SLC25A12: variants seen among roughly 807,000 people sequenced by gnomAD.
The protein encoded by SLC25A12 is solute carrier family 25 member 12, also known as electrogenic aspartate/glutamate antiporter SLC25A12, mitochondrial.
Under a neutral mutation model 83.3 loss-of-function variants are expected in SLC25A12, and 32 were observed. The ratio of observed to expected loss-of-function variants is 0.38; its 90% confidence interval spans 0.29 to 0.52. The LOEUF (loss-of-function observed/expected upper bound fraction) is 0.52. Ranked by LOEUF, SLC25A12 falls within the 20% of genes least tolerant of loss-of-function variation. The pLI is 0.84. For synonymous variants in SLC25A12, 267 were observed against 291.1 expected (o/e 0.92, Z 0.84); for missense variants, 611 against 835.6 (o/e 0.73, Z 3.31).
chr2:171,784,877 C>G lies in SLC25A12; in HGVS notation c.*397G>C. On this transcript the variant is annotated 3_prime_UTR_variant, in exon 18 of 18. Transcript: ENST00000422440. The stretch of plus-strand genomic sequence containing the variant: ...TGTGTGATTCTTAATAAAACACTTT[C>G]AAAACATTCTGTACATTTCAAGCCA... 5.2e-6 allele frequency: 1 copy of G among 191,056 alleles called. No individual in the cohort carries two copies. Among genetic ancestry groups the G allele is most frequent in the East Asian group, 1.2e-4 (1 of 8,420 alleles). The allele number at this position is 191,056 out of a possible 1,614,324, so 11.8% of individuals were successfully genotyped here.
Position 171,826,132 on chromosome 2 carries a change from A to G in SLC25A12, c.930+666T>C, listed in dbSNP as rs564009261. On this transcript the variant is annotated intron_variant, in intron 9 of 17. Coordinates refer to ENST00000422440, the MANE Select transcript of SLC25A12 (RefSeq NM_003705.5). ...GAAGTTTTTTAATTTTAGAAACCCT[A>G]TAAATATCAGTTTAATGATACAAAG... 3.9e-4 allele frequency among the ~76,000 whole-genome samples: 59 copies of G among 152,336 alleles called. No homozygotes were observed. In the Middle Eastern group the frequency reaches 0.014, roughly 35 times the overall value.
At position 171,810,342 on chromosome 2, in the gene SLC25A12, CAA is replaced by C; in HGVS notation, c.1172-68_1172-67del. On this transcript the variant is annotated intron_variant, in intron 11 of 17. Transcript: ENST00000422440. ...AGACATGAATACACAAGCCCAGCAA[CAA>C]AGAGTTTCCCCCATATTATTTACCC... The C allele has an allele frequency of 3.2e-6, 4 of 1,252,858 alleles. No homozygotes were observed. In the East Asian group the frequency reaches 9.3e-5, roughly 29 times the overall value. The allele number at this position is 1,252,858 out of a possible 1,614,324, so 77.6% of individuals were successfully genotyped here.
intron 4 of SLC25A12, 51 bp downstream of exon 4, chr2:171,855,783 G>T: frequency 9.7e-7 from 1 of 1,030,380 alleles, no homozygotes; most frequent in Non-Finnish European, 1.5e-6. Flanking sequence ...AGCAATTGAA[G>T]ACTGGACCAG....
chr2:171,846,328 A>G (rs923503369), intron 4 of SLC25A12, among the ~76,000 whole-genome samples: 1 of 152,122 alleles, frequency 6.6e-6, no homozygotes, highest in African/African-American at 2.4e-5. Flanking sequence ...GGTTATTTCA[A>G]GAGTTAAAAT....
intron 2 of SLC25A12, among the ~76,000 whole-genome samples, chr2:171,886,261 C>G (rs1391683340): frequency 7.6e-6 from 1 of 132,298 alleles, no homozygotes; most frequent in African/African-American, 2.9e-5. Context: ...GACAGAGTCT[C>G]ACTCTGTCAC....
intron 6 of SLC25A12, among the ~76,000 whole-genome samples, chr2:171,836,831 C>T (rs1395545896): frequency 6.6e-6 from 1 of 152,008 alleles, no homozygotes; most frequent in African/African-American, 2.4e-5. Flanking sequence ...TGGAAATAAA[C>T]AATTTGGAAA....
intron 11 of SLC25A12, among the ~76,000 whole-genome samples, 192 bp from the exon 12 acceptor site, chr2:171,810,468 C>T (rs1558914823): frequency 6.6e-6 from 1 of 152,130 alleles, no homozygotes; most frequent in Non-Finnish European, 1.5e-5. Flanking sequence ...TATAATGTCA[C>T]GTTTTCTTGA....
chr2:171,840,015 G>A (rs1684638731), intron 5 of SLC25A12, among the ~76,000 whole-genome samples: 1 of 152,120 alleles, frequency 6.6e-6, no homozygotes, highest in Non-Finnish European at 1.5e-5. Context: ...AGTTGAGAGG[G>A]AGAATACTAC....
intron 3 of SLC25A12, among the ~76,000 whole-genome samples, chr2:171,865,886 G>C (rs928079099): frequency 2.0e-5 from 3 of 150,304 alleles, no homozygotes; most frequent in African/African-American, 2.5e-5. Flanking sequence ...GGTGTTTCTC[G>C]CAGAGGGGGA....
rs563870217 is a variant in SLC25A12 at position 171,785,090 on chromosome 2, G to A, written c.*184C>T. The A allele has an allele frequency of 4.4e-5, 27 of 614,918 alleles. No individual in the cohort carries two copies. Among genetic ancestry groups the A allele is most frequent in the South Asian group, 1.1e-4 (6 of 55,412 alleles). The allele number at this position is 614,918 out of a possible 1,614,324, so 38.1% of individuals were successfully genotyped here. A position where few individuals can be genotyped will look rare whatever the true frequency, so the allele number is the denominator to read the frequency against. ...ACATAAGACTAAAGCTTGAAACAGCGTTGTGGTTTTTTCCCTGGGCAAATG... is the reference window on the plus strand; with the variant it reads ...ACATAAGACTAAAGCTTGAAACAGCATTGTGGTTTTTTCCCTGGGCAAATG... On this transcript the variant is annotated 3_prime_UTR_variant, in exon 18 of 18. Transcript: ENST00000422440.
At chr2:171,888,949 C>G (rs560921513) in intron 2 of SLC25A12, among the ~76,000 whole-genome samples, 1 of 152,254 alleles carries the variant, frequency 6.6e-6, no homozygotes, top group South Asian at 2.1e-4. Flanking sequence ...TAATTCTAAA[C>G]TCAAGTGACC....
Position 171,784,766 on chromosome 2 carries a change from C to A in SLC25A12, c.*508G>T, listed in dbSNP as rs1690455787. The stretch of plus-strand genomic sequence containing the variant: ...TTTTTATTCCAGAATGGAAAACAAA[C>A]TAGGAATTAAATACATCCAATATTG... On this transcript the variant is annotated 3_prime_UTR_variant, in exon 18 of 18. Transcript: ENST00000422440. The A allele has an allele frequency of 5.9e-6, 1 of 168,280 alleles. No individual in the cohort carries two copies. Among genetic ancestry groups the A allele is most frequent in the Admixed American group, 5.6e-5 (1 of 17,872 alleles). 10.4% of individuals were successfully genotyped at this position (168,280 alleles called of 1,614,324 possible). A position where few individuals can be genotyped will look rare whatever the true frequency, so the allele number is the denominator to read the frequency against.
intron 2 of SLC25A12, among the ~76,000 whole-genome samples, chr2:171,878,950 C>T (rs754012988): frequency 1.3e-5 from 2 of 152,132 alleles, no homozygotes; most frequent in Non-Finnish European, 2.9e-5. Flanking sequence ...ACATAAGGAG[C>T]AAAGACCACA....
At chr2:171,808,955 T>C (rs1182551335) in intron 13 of SLC25A12, among the ~76,000 whole-genome samples, 1 of 151,778 alleles carries the variant, frequency 6.6e-6, no homozygotes, top group Non-Finnish European at 1.5e-5. Context: ...ACATGTGGTG[T>C]TTGGTTTTCT....
At chr2:171,853,792 C>T (rs964696139) in intron 4 of SLC25A12, among the ~76,000 whole-genome samples, 4 of 152,208 alleles carry the variant, frequency 2.6e-5, no homozygotes, top group South Asian at 4.1e-4. Context: ...TATTTATCAA[C>T]AATGGCATGT....
chr2:171,823,943 CAAA>C (rs5836354), intron 9 of SLC25A12, among the ~76,000 whole-genome samples: 2 of 142,134 alleles, frequency 1.4e-5, no homozygotes, highest in Admixed American at 7.0e-5. Context: ...CCTGTCTCCA[CAAA>C]AAAAAAAAAA....
chr2:171,840,218 T>C (rs1221464104), intron 5 of SLC25A12, among the ~76,000 whole-genome samples: 3 of 151,818 alleles, frequency 2.0e-5, no homozygotes, highest in African/African-American at 7.3e-5. Flanking sequence ...ACCCCATCTC[T>C]ACAAAAAATA....
chr2:171,893,215 A>G lies in SLC25A12; in HGVS notation c.56T>C (p.Ile19Thr). Residue 19 changes from isoleucine (I) to threonine (T), a missense_variant, in exon 2 of 18, where the codon ATA (isoleucine) becomes ACA (threonine). Coordinates refer to ENST00000422440, the MANE Select transcript of SLC25A12 (RefSeq NM_003705.5). ...TGCAAGCCAATTTACCTGTAGAAAT[A>G]TGTTTCTTAACTCATGAGGATCCCC... is the stretch of plus-strand genomic sequence containing the variant. ...KRGDPHELRN[I>T]FLQYASTEVD... 2 of 1,614,100 alleles carry G rather than the reference A, an allele frequency of 1.2e-6. No individual in the cohort carries two copies. The highest frequency in any genetic ancestry group is 2.7e-5 in the African/African-American group (2 of 75,060).
Position 171,849,802 on chromosome 2 carries a change from C to T in SLC25A12, c.326-5294G>A, listed in dbSNP as rs549323498. Among the ~76,000 whole-genome samples, 331 of 152,090 alleles carry T rather than the reference C, an allele frequency of 2.2e-3. 2 individuals are homozygous for T. Among genetic ancestry groups the T allele is most frequent in the Non-Finnish European group, 5.6e-4 (38 of 67,960 alleles). On this transcript the variant is annotated intron_variant, in intron 4 of 17. Transcript: ENST00000422440. ...CGATCTCCTGACCTCGTGATCCACC[C>T]GCCTCGGCCTCCCAAAGTGCTGAGA...
Sources: gnomAD v4.1 joint callset for allele counts (sites outside exome capture counted in the v4.1 genomes callset) on GRCh38, gnomAD v4.1.1 for gene constraint, MANE v1.5 for transcripts, NCBI Gene and HGNC (gene_info 2026-07-23, HGNC 2026-07-21) for gene names.